Variants in YKT6 observed in about 807,000 individuals in gnomAD.
YKT6 encodes synaptobrevin homolog YKT6.
A neutral mutation model predicts 29.3 loss-of-function variants in YKT6; 12 were observed. The observed-to-expected ratio is 0.41, with a 90% confidence interval of 0.26 to 0.66. The LOEUF (loss-of-function observed/expected upper bound fraction) is 0.66. Ranked by LOEUF, YKT6 falls within the 30% of genes least tolerant of loss-of-function variation. The pLI is 0.32. For missense variants in YKT6, 188 were observed against 243.8 expected, an observed-to-expected ratio of 0.77 and a Z score of 1.52; for synonymous variants, 86 against 94.3, an observed-to-expected ratio of 0.91 and a Z score of 0.51.
chr7:44,204,658 G>T lies in YKT6; in HGVS notation c.187+8G>T. ...CTTCTGTCAAAGAACAAGGTAAGAA[G>T]ACCCTCCAACTTCTGTGCGTGTGCT... is the stretch of plus-strand genomic sequence containing the variant. On this transcript the variant is annotated splice_region_variant and intron_variant, in intron 2 of 6. Coordinates refer to ENST00000223369, the MANE Select transcript of YKT6 (RefSeq NM_006555.4). 3.1e-6 allele frequency: 5 copies of T among 1,614,156 alleles called. No homozygotes were observed. The highest frequency in any genetic ancestry group is 4.2e-6 in the Non-Finnish European group (5 of 1,180,010).
intron 5 of YKT6, among the ~76,000 whole-genome samples, chr7:44,208,915 C>A (rs1435383514): frequency 6.6e-6 from 1 of 152,146 alleles, no homozygotes; most frequent in Admixed American, 6.5e-5. Context: ...GCTCTCAGAT[C>A]CGCCCCAGGA....
Position 44,201,038 on chromosome 7 carries a change from G to A in YKT6, c.-98G>A. On this transcript the variant is annotated 5_prime_UTR_variant, in exon 1 of 7. Coordinates refer to ENST00000223369, the MANE Select transcript of YKT6 (RefSeq NM_006555.4). ...CCCGTCAGCAGCCGGCTGCTGAGAG[G>A]CCGGTAGGCGGCGGCGGTCCCGAGG... is the stretch of plus-strand genomic sequence containing the variant. 9.6e-7 allele frequency: 1 copy of A among 1,036,844 alleles called. No individual in the cohort carries two copies. The highest frequency in any genetic ancestry group is 1.3e-6 in the Non-Finnish European group (1 of 741,118). 64.2% of individuals were successfully genotyped at this position (1,036,844 alleles called of 1,614,324 possible).
chr7:44,202,111 C>T (rs1453477876), intron 1 of YKT6, among the ~76,000 whole-genome samples: 2 of 152,122 alleles, frequency 1.3e-5, no homozygotes, highest in Non-Finnish European at 2.9e-5. Context: ...CTATGGTCAT[C>T]TTGTCTCAAA....
At chr7:44,205,089 T>G (rs2096339488) in intron 2 of YKT6, among the ~76,000 whole-genome samples, 1 of 151,110 alleles carries the variant, frequency 6.6e-6, no homozygotes, top group South Asian at 2.1e-4. Context: ...GTGTATGTTA[T>G]ACAGACAGAT....
chr7:44,208,285 T>G (rs1448817566), intron 5 of YKT6, 87 bp downstream of exon 5: 34 of 1,441,872 alleles, frequency 2.4e-5, no homozygotes, highest in Non-Finnish European at 3.1e-5. Context: ...CATCCTCGTT[T>G]TAATATAATA....
chr7:44,206,691 A>G (rs868507177), intron 3 of YKT6, among the ~76,000 whole-genome samples: 9 of 152,096 alleles, frequency 5.9e-5, no homozygotes, highest in African/African-American at 7.2e-5. Flanking sequence ...CCCTCATGTG[A>G]GCTGGGTCTA....
At chr7:44,207,870 C>T (rs2096342508) in intron 4 of YKT6, among the ~76,000 whole-genome samples, 1 of 152,148 alleles carries the variant, frequency 6.6e-6, no homozygotes, top group African/African-American at 2.4e-5. Context: ...GGATTACAGG[C>T]ATGTGCCACC....
At position 44,213,127 on chromosome 7, in the gene YKT6, G is replaced by A. The variant is rs535892024; in HGVS notation, c.*845G>A. On this transcript the variant is annotated 3_prime_UTR_variant, in exon 7 of 7. Transcript: ENST00000223369. ...AGATCAAACACAGGTGCACTCAGCT[G>A]CCCAGGGCCTCTGGGACACTTGCCT... 1.3e-5 allele frequency: 2 copies of A among 152,400 alleles called. No homozygotes were observed. Among genetic ancestry groups the A allele is most frequent in the South Asian group, 2.1e-4 (1 of 4,830 alleles). 9.4% of individuals were successfully genotyped at this position (152,400 alleles called of 1,614,324 possible).
rs1337546977 is a variant in YKT6 at position 44,213,747 on chromosome 7, CTGGGCAGGAGGG to C, written c.*1470_*1481del. 1 of 152,358 alleles carries C rather than the reference CTGGGCAGGAGGG, an allele frequency of 6.6e-6. No individual in the cohort carries two copies. The highest frequency in any genetic ancestry group is 1.5e-5 in the Non-Finnish European group (1 of 68,146). 9.4% of individuals were successfully genotyped at this position (152,358 alleles called of 1,614,324 possible). A position where few individuals can be genotyped will look rare whatever the true frequency, so the allele number is the denominator to read the frequency against. ...TCCTGACCCCCAATGTGGGCAGGGG[CTGGGCAGGAGGG>C]TGGGGTCTGCTGTGGGTTCAGAGGA... On this transcript the variant is annotated 3_prime_UTR_variant, in exon 7 of 7. Coordinates refer to ENST00000223369, the MANE Select transcript of YKT6 (RefSeq NM_006555.4).
chr7:44,209,743 C>T (rs966842407), intron 5 of YKT6, among the ~76,000 whole-genome samples: 5 of 152,206 alleles, frequency 3.3e-5, no homozygotes, highest in East Asian at 1.9e-4. Flanking sequence ...AGGAGAGAAG[C>T]GAGCTGCTGC....
At chr7:44,210,473 CTAATCCAGTATTACCTCT>C (rs2096345508) in intron 5 of YKT6, among the ~76,000 whole-genome samples, 1 of 152,192 alleles carries the variant, frequency 6.6e-6, no homozygotes, top group African/African-American at 2.4e-5. Flanking sequence ...AGATGCCACC[CTAATCCAGTATTACCTCT>C]TCCTAACTAG....
intron 4 of YKT6, 39 bp downstream of exon 4, chr7:44,207,531 C>T (rs1322714614): frequency 3.8e-6 from 6 of 1,589,684 alleles, no homozygotes. Context: ...CCATGTGGCC[C>T]AGAATCCATG....
chr7:44,206,247 C>G, intron 2 of YKT6, 138 bp from the exon 3 acceptor site: 1 of 805,156 alleles, frequency 1.2e-6, no homozygotes. Context: ...CTAAGCCTCT[C>G]CACAAGACTT....
chr7:44,212,026 A>C (rs774748601), intron 6 of YKT6, among the ~76,000 whole-genome samples: 5 of 152,224 alleles, frequency 3.3e-5, no homozygotes, highest in African/African-American at 7.2e-5. Flanking sequence ...GAAAGGAAAA[A>C]GGATCCCAGA....
chr7:44,209,980 TAAAAG>T, intron 5 of YKT6, among the ~76,000 whole-genome samples: 1 of 152,252 alleles, frequency 6.6e-6, no homozygotes, highest in Non-Finnish European at 1.5e-5. Context: ...TTTAAAATGA[TAAAAG>T]GAAAATAGGT....
chr7:44,206,859 TGTCA>T (rs2096341396), intron 3 of YKT6, among the ~76,000 whole-genome samples: 1 of 152,208 alleles, frequency 6.6e-6, no homozygotes, highest in Admixed American at 6.5e-5. Context: ...TCTACCTTGA[TGTCA>T]GTCAGTTGCA....
chr7:44,212,112 A>G (rs1583651319), intron 6 of YKT6, 135 bp from the exon 7 acceptor site: 1 of 1,020,376 alleles, frequency 9.8e-7, no homozygotes, highest in African/African-American at 1.6e-5. Context: ...CAAGGCCTCC[A>G]CCCCCACCCT....
chr7:44,202,421 C>A (rs1264222568), intron 1 of YKT6, among the ~76,000 whole-genome samples: 1 of 152,158 alleles, frequency 6.6e-6, no homozygotes, highest in East Asian at 1.9e-4. Context: ...AAATTCGTGT[C>A]TATTAAACAC....
chr7:44,202,973 A>AG (rs1407690241), intron 1 of YKT6, among the ~76,000 whole-genome samples: 1 of 152,178 alleles, frequency 6.6e-6, no homozygotes, highest in African/African-American at 2.4e-5. Flanking sequence ...TTTCACTTGT[A>AG]GGACTTATAC....
Sources: gnomAD v4.1 joint callset for allele counts (sites outside exome capture counted in the v4.1 genomes callset) on GRCh38, gnomAD v4.1.1 for gene constraint, MANE v1.5 for transcripts, NCBI Gene and HGNC (gene_info 2026-07-23, HGNC 2026-07-21) for gene names.